Variants in NFIB observed in about 807,000 individuals in gnomAD.
NFIB encodes the protein nuclear factor 1 B-type.
Under a neutral mutation model 61.5 loss-of-function variants are expected in NFIB, and 11 were observed. That is an observed-to-expected ratio of 0.18 (90% CI 0.11 to 0.30). NFIB has a LOEUF of 0.30. NFIB is among the 10% of genes least tolerant of loss of function. The probability of loss-of-function intolerance (pLI) is 1.00; values close to 1 mark genes in which losing one functional copy is unlikely to be tolerated. For missense variants in NFIB, 471 were observed against 608.9 expected, an observed-to-expected ratio of 0.77 and a Z score of 2.38; for synonymous variants, 260 against 216.5, an observed-to-expected ratio of 1.20 and a Z score of -1.76.
chr9:14,399,956 A>G (rs1260422764), upstream of NFIB, among the ~76,000 whole-genome samples: 1 of 152,012 alleles, frequency 6.6e-6, no homozygotes, highest in Non-Finnish European at 1.5e-5. Flanking sequence ...TGTTGAAATC[A>G]TCTTACATGA....
the NFIB span, among the ~76,000 whole-genome samples, chr9:14,507,273 C>T: frequency 2.0e-5 from 3 of 152,180 alleles, no homozygotes; most frequent in Non-Finnish European, 4.4e-5. Context: ...AAATATCTGT[C>T]ATACATTCTT....
At position 14,307,190 on chromosome 9, in the gene NFIB, G is replaced by A; in HGVS notation, c.361C>T (p.Leu121=). 1.2e-6 allele frequency: 2 copies of A among 1,614,060 alleles called. No individual in the cohort carries two copies. The highest frequency in any genetic ancestry group is 1.7e-5 in the Admixed American group (1 of 60,016). ...QKGKIRRIDC[L]RQADKVWRLD... ...CGCCAGACTTTGTCTGCCTGTCGCA[G>A]GCAGTCGATTCTCCTAATCTTACCC... Residue 121 remains leucine (L), a synonymous_variant, in exon 2 of 11, where the codon CTG becomes TTG. Transcript: ENST00000380953. The surrounding 1 kb of genome is among the most constrained non-coding windows in gnomAD (Gnocchi z 5.3).
chr9:14,161,515 ATT>A (rs2044203115), intron 3 of NFIB, among the ~76,000 whole-genome samples: 1 of 151,284 alleles, frequency 6.6e-6, no homozygotes, highest in Non-Finnish European at 1.5e-5. Context: ...ATATATATAT[ATT>A]TATTTATAAA....
At chr9:14,381,387 T>C (rs2061487787) in intron 1 of NFIB, among the ~76,000 whole-genome samples, 1 of 152,066 alleles carries the variant, frequency 6.6e-6, no homozygotes, top group Non-Finnish European at 1.5e-5. Context: ...GACGGGGTTT[T>C]ACCATGTTGC....
At chr9:14,143,567 A>C (rs1217782231) in intron 6 of NFIB, among the ~76,000 whole-genome samples, 1 of 152,216 alleles carries the variant, frequency 6.6e-6, no homozygotes, top group African/African-American at 2.4e-5. Context: ...GGAAATAATT[A>C]ATAGTAAATT....
chr9:14,366,411 A>T (rs1024447188), intron 1 of NFIB, among the ~76,000 whole-genome samples: 1 of 152,112 alleles, frequency 6.6e-6, no homozygotes, highest in Non-Finnish European at 1.5e-5. Flanking sequence ...TGAAGACAAG[A>T]CCACTTCCTA....
intron 2 of NFIB, among the ~76,000 whole-genome samples, chr9:14,268,512 G>A (rs753153554): frequency 4.6e-5 from 7 of 152,096 alleles, no homozygotes; most frequent in Non-Finnish European, 1.0e-4. Context: ...TTCTTGTGCT[G>A]TTTCCTGCCT....
At chr9:14,373,641 A>AGT (rs56764067) in intron 1 of NFIB, among the ~76,000 whole-genome samples, 24,897 of 143,092 alleles carry the variant, frequency 0.17, 2,376 homozygotes, top group Middle Eastern at 0.26. Context: ...TGTCCACATG[A>AGT]GTGTGTGTGT....
At chr9:14,392,098 A>G (rs1044450691) in intron 1 of NFIB, among the ~76,000 whole-genome samples, 17 of 152,172 alleles carry the variant, frequency 1.1e-4, no homozygotes, top group African/African-American at 2.9e-4. Context: ...ATACCTGACC[A>G]ATATGCCTCA....
chr9:14,360,195 A>G (rs1588366562), intron 1 of NFIB, among the ~76,000 whole-genome samples: 2 of 152,368 alleles, frequency 1.3e-5, no homozygotes, highest in Middle Eastern at 3.4e-3. Flanking sequence ...CATTTGTGCT[A>G]CAAACACTTA....
chr9:14,526,166 A>C, the NFIB span, among the ~76,000 whole-genome samples: 1 of 152,186 alleles, frequency 6.6e-6, no homozygotes, highest in Non-Finnish European at 1.5e-5. Context: ...TTCTAACCTC[A>C]GAAAATGAAC....
the NFIB span, among the ~76,000 whole-genome samples, chr9:14,468,441 T>C: frequency 6.6e-6 from 1 of 152,352 alleles, no homozygotes; most frequent in Admixed American, 6.5e-5. Flanking sequence ...TGCCCACTTA[T>C]TAATGAATAG....
intron 1 of NFIB, among the ~76,000 whole-genome samples, chr9:14,372,666 C>T (rs2061371169): frequency 6.6e-6 from 1 of 152,110 alleles, no homozygotes; most frequent in African/African-American, 2.4e-5. Flanking sequence ...TGTGTGCTGG[C>T]TTAGTACCTG....
chr9:14,419,934 G>C, the NFIB span, among the ~76,000 whole-genome samples: 1 of 152,158 alleles, frequency 6.6e-6, no homozygotes, highest in Non-Finnish European at 1.5e-5. Flanking sequence ...CAACATTCTT[G>C]TTTTGTAGAG....
chr9:14,450,513 T>C, the NFIB span, among the ~76,000 whole-genome samples: 1 of 152,200 alleles, frequency 6.6e-6, no homozygotes, highest in African/African-American at 2.4e-5. Context: ...CAAAAGATCA[T>C]TTATTCTGTA....
intron 3 of NFIB, among the ~76,000 whole-genome samples, chr9:14,165,740 A>C (rs1563854260): frequency 6.6e-6 from 1 of 152,154 alleles, no homozygotes; most frequent in Non-Finnish European, 1.5e-5. Context: ...TGTAATCTGG[A>C]AAAAAGCCAG....
chr9:14,113,193 T>C (rs1303055557), intron 9 of NFIB, 112 bp from the exon 10 acceptor site: 5 of 759,960 alleles, frequency 6.6e-6, no homozygotes, highest in Admixed American at 6.7e-5. Context: ...AAAAAAAAAG[T>C]GTCTTCATTT....
chr9:14,159,064 C>A (rs535673284), intron 3 of NFIB, among the ~76,000 whole-genome samples: 1 of 152,266 alleles, frequency 6.6e-6, no homozygotes, highest in East Asian at 1.9e-4. Context: ...TAAGTCATGA[C>A]CATTAAGATG....
At chr9:14,126,035 A>C (rs2130890954) in intron 6 of NFIB, among the ~76,000 whole-genome samples, 1 of 152,260 alleles carries the variant, frequency 6.6e-6, no homozygotes, top group Non-Finnish European at 1.5e-5. Flanking sequence ...AAAAACCCAA[A>C]GTCTTGTTTC....
Sources: gnomAD v4.1 joint callset for allele counts (sites outside exome capture counted in the v4.1 genomes callset) on GRCh38, gnomAD v4.1.1 for gene constraint, Gnocchi (gnomAD v3.1) non-coding constraint, MANE v1.5 for transcripts, NCBI Gene and HGNC (gene_info 2026-07-23, HGNC 2026-07-21) for gene names.